The following CCDC192 variants were observed in gnomAD, a reference collection of about 807,000 sequenced individuals.
CCDC192 encodes the protein coiled-coil domain containing 192.
chr5:127,774,680 G>A (rs1463272499), intron 3 of CCDC192, among the ~76,000 whole-genome samples: 8 of 152,224 alleles, frequency 5.3e-5, no homozygotes, highest in Non-Finnish European at 1.0e-4. Context: ...TTGAAATTGG[G>A]AAGTGTGAGT....
At chr5:127,704,482 C>T (rs894896535) in intron 1 of CCDC192, among the ~76,000 whole-genome samples, 1 of 152,192 alleles carries the variant, frequency 6.6e-6, no homozygotes, top group Non-Finnish European at 1.5e-5. Context: ...GCCACCGTGC[C>T]TGGCCTGCTT....
At chr5:127,911,062 A>C (rs986866835) in intron 6 of CCDC192, among the ~76,000 whole-genome samples, 4 of 152,238 alleles carry the variant, frequency 2.6e-5, no homozygotes, top group African/African-American at 9.7e-5. Context: ...AAGAACACAA[A>C]ATATTAATAG....
chr5:127,819,693 C>T (rs1053755318), intron 5 of CCDC192, among the ~76,000 whole-genome samples: 1 of 151,990 alleles, frequency 6.6e-6, no homozygotes, highest in Non-Finnish European at 1.5e-5. Context: ...TAGATTGCAC[C>T]ATAGATTCTG....
chr5:127,723,265 G>A (rs556847772), intron 2 of CCDC192, among the ~76,000 whole-genome samples: 1 of 152,202 alleles, frequency 6.6e-6, no homozygotes, highest in African/African-American at 2.4e-5. Flanking sequence ...GTTGTTTGCT[G>A]TTGGCATACA....
intron 6 of CCDC192, among the ~76,000 whole-genome samples, chr5:127,922,253 T>C (rs1753743459): frequency 6.6e-6 from 1 of 152,246 alleles, no homozygotes; most frequent in African/African-American, 2.4e-5. Context: ...CATTTTAAGC[T>C]ATCTTCTAGA....
chr5:127,848,763 G>A (rs959483482), intron 5 of CCDC192, among the ~76,000 whole-genome samples: 1 of 152,202 alleles, frequency 6.6e-6, no homozygotes, highest in African/African-American at 2.4e-5. Context: ...ATAAGAATTA[G>A]CTATCATTAT....
chr5:127,854,969 C>T (rs1353528055), intron 5 of CCDC192, among the ~76,000 whole-genome samples: 1 of 152,148 alleles, frequency 6.6e-6, no homozygotes, highest in Non-Finnish European at 1.5e-5. Context: ...ATAACAAAAA[C>T]AATGTATATA....
chr5:127,799,655 A>C (rs1757372971), intron 5 of CCDC192, among the ~76,000 whole-genome samples: 1 of 152,192 alleles, frequency 6.6e-6, no homozygotes, highest in Admixed American at 6.5e-5. Context: ...AGATGAAAAA[A>C]GCCATAGTTC....
At chr5:127,828,045 TAC>T (rs1222668271) in intron 5 of CCDC192, among the ~76,000 whole-genome samples, 1 of 152,194 alleles carries the variant, frequency 6.6e-6, no homozygotes, top group African/African-American at 2.4e-5. Context: ...TAGCTGGGAT[TAC>T]AGGCACCTGC....
chr5:127,889,497 G>C (rs910198703), intron 6 of CCDC192, among the ~76,000 whole-genome samples: 2 of 151,432 alleles, frequency 1.3e-5, no homozygotes, highest in South Asian at 2.1e-4. Flanking sequence ...TGCCTGCCAG[G>C]TTCAAGGAAT....
rs538814927 is a variant in CCDC192 at position 127,824,149 on chromosome 5, T to C, written c.411+25987T>C. Among the ~76,000 whole-genome samples, 19 of 152,310 alleles carry C rather than the reference T, an allele frequency of 1.2e-4. 1 individual carries two copies. In the South Asian group the frequency reaches 2.9e-3, roughly 23 times the overall value. On this transcript the variant is annotated intron_variant, in intron 5 of 6. Coordinates refer to ENST00000514853, the MANE Select transcript of CCDC192 (RefSeq NM_001317938.2). ...CCTATCTTCAAGGACAGGATGAAGG[T>C]TAAAAGATGTGCTTCCCTTAAGAAA... is the stretch of plus-strand genomic sequence containing the variant.
At chr5:127,861,763 C>A (rs556246257) in intron 5 of CCDC192, among the ~76,000 whole-genome samples, 6 of 152,156 alleles carry the variant, frequency 3.9e-5, no homozygotes, top group East Asian at 1.9e-4. Context: ...TGTATGTAAA[C>A]CCTGAGGTGA....
intron 5 of CCDC192, among the ~76,000 whole-genome samples, chr5:127,803,332 C>A (rs1347924668): frequency 6.6e-6 from 1 of 152,080 alleles, no homozygotes; most frequent in Non-Finnish European, 1.5e-5. Context: ...TAAGGGTTAC[C>A]CCTCCCAGTG....
chr5:127,852,819 G>A (rs1750860356), intron 5 of CCDC192, among the ~76,000 whole-genome samples: 1 of 152,124 alleles, frequency 6.6e-6, no homozygotes, highest in Non-Finnish European at 1.5e-5. Context: ...CCCTGGCCGG[G>A]TGCGGTGGCT....
chr5:127,810,060 A>C (rs997174691), intron 5 of CCDC192, among the ~76,000 whole-genome samples: 5 of 152,238 alleles, frequency 3.3e-5, no homozygotes, highest in African/African-American at 1.2e-4. Flanking sequence ...AAGGCCAGGA[A>C]TAAGTGAAGG....
In CCDC192 at chr5:127,769,674, G is replaced by C. The variant is rs1325071398; in HGVS notation, c.222+15299G>C. ...GAATTCTGTCCTAGAAACAGAAAGG[G>C]GAGAGTGTTTCAAGGGGCATGAGGT... On this transcript the variant is annotated intron_variant, in intron 3 of 6. Transcript: ENST00000514853. 2.6e-5 allele frequency among the ~76,000 whole-genome samples: 4 copies of C among 152,290 alleles called. 1 individual carries two copies. The highest frequency in any genetic ancestry group is 4.1e-4 in the South Asian group (2 of 4,824).
chr5:127,768,714 G>T (rs1421573195), intron 3 of CCDC192, among the ~76,000 whole-genome samples: 6 of 152,158 alleles, frequency 3.9e-5, no homozygotes, highest in African/African-American at 1.4e-4. Flanking sequence ...AAGCCAAAAC[G>T]TATTAATAAA....
chr5:127,782,563 G>A (rs1756292677), intron 3 of CCDC192, among the ~76,000 whole-genome samples: 2 of 151,920 alleles, frequency 1.3e-5, no homozygotes, highest in South Asian at 2.1e-4. Context: ...ATCTTTCCAG[G>A]AATTCATCCA....
intron 6 of CCDC192, among the ~76,000 whole-genome samples, chr5:127,901,799 A>G (rs1447508330): frequency 2.0e-5 from 3 of 152,112 alleles, no homozygotes; most frequent in Non-Finnish European, 4.4e-5. Context: ...ATTTTATCCT[A>G]GTTTTTACAG....
Sources: allele counts gnomAD v4.1 joint callset (sites outside exome capture counted in the v4.1 genomes callset), GRCh38; gene constraint gnomAD v4.1.1; transcripts MANE v1.5; gene names NCBI Gene and HGNC (gene_info 2026-07-23, HGNC 2026-07-21).